The following LAMA2 variants were observed in gnomAD, a reference collection of about 807,000 sequenced individuals.
LAMA2 encodes the protein laminin subunit alpha-2.
A neutral mutation model predicts 364.8 loss-of-function variants in LAMA2; 269 were observed. The observed-to-expected ratio is 0.74, with a 90% CI of 0.67 to 0.82. The LOEUF is 0.82. Ranked by LOEUF, LAMA2 falls within the 40% of genes least tolerant of loss-of-function variation. LAMA2 has a pLI of 0.00. For missense variants in LAMA2, 3,807 were observed against 3,873.2 expected (o/e 0.98, Z 0.45); for synonymous variants, 1,379 against 1,370.6 (o/e 1.01, Z -0.14).
intron 42 of LAMA2, among the ~76,000 whole-genome samples, chr6:129,440,241 T>C (rs1440948910): frequency 6.6e-6 from 1 of 152,078 alleles, no homozygotes; most frequent in African/African-American, 2.4e-5. Context: ...TACAACACAG[T>C]TAATATTAAA....
chr6:128,969,343 T>C (rs1210364261), intron 1 of LAMA2, among the ~76,000 whole-genome samples: 2 of 152,202 alleles, frequency 1.3e-5, no homozygotes, highest in Non-Finnish European at 2.9e-5. Context: ...CATGAATTCC[T>C]GCAGCTCTCT....
At chr6:129,226,027 G>A (rs550344179) in intron 12 of LAMA2, among the ~76,000 whole-genome samples, 1 of 152,246 alleles carries the variant, frequency 6.6e-6, no homozygotes, top group East Asian at 1.9e-4. Context: ...CCTGTATTGG[G>A]TGCATATATA....
intron 10 of LAMA2, among the ~76,000 whole-genome samples, chr6:129,183,629 T>G (rs1781058067): frequency 6.6e-6 from 1 of 151,952 alleles, no homozygotes; most frequent in African/African-American, 2.4e-5. Context: ...TTCAGATTTC[T>G]TGGGATACCT....
chr6:129,450,342 T>C (rs1440972823), intron 45 of LAMA2, among the ~76,000 whole-genome samples: 1 of 151,784 alleles, frequency 6.6e-6, no homozygotes, highest in Non-Finnish European at 1.5e-5. Flanking sequence ...TGTTTTGACA[T>C]GGAGTCTCAC....
At chr6:128,889,291 C>A (rs188877465) in intron 1 of LAMA2, among the ~76,000 whole-genome samples, 231 of 152,292 alleles carry the variant, frequency 1.5e-3, no homozygotes, top group Non-Finnish European at 2.7e-3. Flanking sequence ...AAAGTTTAGA[C>A]ACAATTGTTG....
intron 4 of LAMA2, among the ~76,000 whole-genome samples, chr6:129,127,402 A>G (rs572890029): frequency 1.2e-4 from 18 of 152,314 alleles, no homozygotes; most frequent in African/African-American, 4.1e-4. Context: ...TATGTGTACG[A>G]CGTTTTCTTT....
intron 31 of LAMA2, among the ~76,000 whole-genome samples, chr6:129,349,899 C>T (rs930775363): frequency 1.9e-4 from 29 of 152,038 alleles, no homozygotes; most frequent in Admixed American, 1.2e-3. Context: ...ATTTGTTATT[C>T]AGTTTTCCTT....
intron 10 of LAMA2, among the ~76,000 whole-genome samples, chr6:129,178,943 A>T (rs1450602497): frequency 6.6e-6 from 1 of 152,194 alleles, no homozygotes; most frequent in African/African-American, 2.4e-5. Context: ...CCTATTTTGA[A>T]CTACTGAAAT....
At chr6:129,505,108 C>A in intron 60 of LAMA2, 92 bp from the exon 61 acceptor site, 1 of 1,147,806 alleles carries the variant, frequency 8.7e-7, no homozygotes, top group Non-Finnish European at 1.3e-6. Context: ...TTCAATTTTT[C>A]TTGGTAACAT....
intron 4 of LAMA2, among the ~76,000 whole-genome samples, chr6:129,125,396 G>A (rs1313891755): frequency 6.6e-6 from 1 of 152,102 alleles, no homozygotes; most frequent in Non-Finnish European, 1.5e-5. Context: ...TATCACCCAG[G>A]AAGTACAAGA....
intron 12 of LAMA2, among the ~76,000 whole-genome samples, chr6:129,226,186 G>A (rs1164236621): frequency 1.3e-5 from 2 of 152,010 alleles, no homozygotes; most frequent in Non-Finnish European, 2.9e-5. Context: ...CTATTTCCTT[G>A]GTAGATCTTC....
chr6:128,934,917 A>G (rs892458638), intron 1 of LAMA2, among the ~76,000 whole-genome samples: 1 of 152,158 alleles, frequency 6.6e-6, no homozygotes, highest in Admixed American at 6.5e-5. Flanking sequence ...AGTTCTTCCA[A>G]TTCATGAACA....
chr6:129,023,860 T>C (rs1785616291), intron 1 of LAMA2, among the ~76,000 whole-genome samples: 2 of 152,232 alleles, frequency 1.3e-5, no homozygotes, highest in African/African-American at 4.8e-5. Context: ...TAAGTCATGT[T>C]CTTTGTTAGC....
At chr6:129,430,070 A>T (rs1410699482) in intron 41 of LAMA2, among the ~76,000 whole-genome samples, 1 of 152,204 alleles carries the variant, frequency 6.6e-6, no homozygotes, top group African/African-American at 2.4e-5. Context: ...CAAGGCTATG[A>T]CGGAGATGGG....
intron 40 of LAMA2, 100 bp from the exon 41 acceptor site, chr6:129,427,652 C>G: frequency 3.6e-6 from 3 of 835,068 alleles, no homozygotes; most frequent in Non-Finnish European, 6.2e-6. Context: ...GCCCAGAGCT[C>G]TTTCCTAAAG....
At chr6:129,245,120 T>G (rs181578726) in intron 12 of LAMA2, among the ~76,000 whole-genome samples, 161 of 152,098 alleles carry the variant, frequency 1.1e-3, no homozygotes, top group Non-Finnish European at 1.5e-3. Flanking sequence ...GATATCTGAA[T>G]CTCCCTGAAG....
intron 40 of LAMA2, among the ~76,000 whole-genome samples, chr6:129,406,227 A>G (rs1780241986): frequency 6.6e-6 from 1 of 152,200 alleles, no homozygotes; most frequent in African/African-American, 2.4e-5. Flanking sequence ...ACAATCAAGA[A>G]TCACACTGAA....
At chr6:129,152,352 A>G (rs1003226508) in intron 7 of LAMA2, among the ~76,000 whole-genome samples, 1 of 152,210 alleles carries the variant, frequency 6.6e-6, no homozygotes, top group Non-Finnish European at 1.5e-5. Context: ...GTGTTTTATC[A>G]TATCTACTAG....
chr6:128,902,071 C>T (rs761872973), intron 1 of LAMA2, among the ~76,000 whole-genome samples: 8 of 152,128 alleles, frequency 5.3e-5, no homozygotes, highest in South Asian at 2.1e-4. Context: ...AAGTGCAGAG[C>T]GAAGTGGGGG....
Sources: allele counts gnomAD v4.1 joint callset (sites outside exome capture counted in the v4.1 genomes callset), GRCh38; gene constraint gnomAD v4.1.1; transcripts MANE v1.5; gene names NCBI Gene and HGNC (gene_info 2026-07-23, HGNC 2026-07-21).